Variants in DST observed in about 807,000 individuals in gnomAD.
The protein encoded by DST is bullous pemphigoid antigen.
DST carries 253 observed loss-of-function variants against 875.2 expected under a neutral mutation model. The observed-to-expected ratio is 0.29, with a 90% CI of 0.26 to 0.32. The LOEUF (loss-of-function observed/expected upper bound fraction) is 0.32. Among genes scored for constraint, DST ranks in the 10% least tolerant of loss-of-function variants. DST has a pLI of 1.00. For missense variants in DST, 8,287 were observed against 9,111.6 expected (o/e 0.91, Z 3.68); for synonymous variants, 3,124 against 3,197.1 (o/e 0.98, Z 0.77).
intron 3 of DST, among the ~76,000 whole-genome samples, chr6:56,880,029 T>C (rs555420910): frequency 6.6e-6 from 1 of 152,222 alleles, no homozygotes; most frequent in Non-Finnish European, 1.5e-5. Context: ...CCACAATGAA[T>C]AGGTACCTTT....
At chr6:56,630,504 A>G in intron 30 of DST, 121 bp from the exon 31 acceptor site, 2 of 889,208 alleles carry the variant, frequency 2.2e-6, no homozygotes, top group South Asian at 1.5e-5. Context: ...ACACTGATAC[A>G]TTTACTATGA....
intron 60 of DST, 83 bp from the exon 61 acceptor site, chr6:56,553,738 A>G: frequency 7.7e-7 from 1 of 1,293,146 alleles, no homozygotes. Flanking sequence ...AAATCTCTGA[A>G]TGAATATATA....
intron 4 of DST, among the ~76,000 whole-genome samples, chr6:56,825,184 G>C (rs1389624271): frequency 3.3e-5 from 5 of 150,024 alleles, no homozygotes; most frequent in African/African-American, 1.2e-4. Flanking sequence ...GGATCCTGTT[G>C]ATCTGTGACC....
chr6:56,574,519 GCTT>G (rs1222045621), intron 50 of DST, among the ~76,000 whole-genome samples: 1 of 152,044 alleles, frequency 6.6e-6, no homozygotes, highest in Non-Finnish European at 1.5e-5. Flanking sequence ...TTAAGATTAT[GCTT>G]CTAAAATATA....
At chr6:56,476,786 C>G (rs902287294) in intron 91 of DST, among the ~76,000 whole-genome samples, 18 of 152,014 alleles carry the variant, frequency 1.2e-4, no homozygotes, top group African/African-American at 4.3e-4. Context: ...ACCATCTCTA[C>G]TAAAAATACA....
chr6:56,762,177 C>T (rs1036921233), intron 4 of DST, among the ~76,000 whole-genome samples: 2 of 152,224 alleles, frequency 1.3e-5, no homozygotes, highest in South Asian at 2.1e-4. Context: ...TGCGCCACCA[C>T]GCCCGGCTAA....
At chr6:56,796,938 G>A (rs910427174) in intron 4 of DST, among the ~76,000 whole-genome samples, 1 of 152,140 alleles carries the variant, frequency 6.6e-6, no homozygotes, top group Non-Finnish European at 1.5e-5. Context: ...TTAGAATACA[G>A]AAGTACAGGC....
intron 102 of DST, chr6:56,460,690 T>C (rs1245563120): frequency 6.5e-6 from 1 of 152,838 alleles, no homozygotes; most frequent in African/African-American, 2.4e-5. Flanking sequence ...GCTGCCTCCA[T>C]TGCTTTTATG....
At chr6:56,642,254 CAA>C (rs1217134303) in intron 16 of DST, 153 bp from the exon 17 acceptor site, 2 of 877,300 alleles carry the variant, frequency 2.3e-6, no homozygotes, top group Admixed American at 4.0e-5. Flanking sequence ...TCTTGTCTCT[CAA>C]GAGAGCAAAC....
intron 55 of DST, among the ~76,000 whole-genome samples, chr6:56,567,064 G>T (rs1294756934): frequency 6.6e-6 from 1 of 152,068 alleles, no homozygotes; most frequent in African/African-American, 2.4e-5. Context: ...CCTAACTGTG[G>T]GAACCAAACA....
At chr6:56,851,710 C>T (rs1242339507) in intron 3 of DST, 106 bp from the exon 4 acceptor site, 3 of 1,552,600 alleles carry the variant, frequency 1.9e-6, no homozygotes, top group African/African-American at 1.4e-5. Context: ...TGCCCCCAAA[C>T]TGGGTCTGGC....
chr6:56,837,022 T>C (rs1477516012), intron 4 of DST, among the ~76,000 whole-genome samples: 1 of 152,048 alleles, frequency 6.6e-6, no homozygotes, highest in African/African-American at 2.4e-5. Flanking sequence ...GGAAAATAGA[T>C]CCACTGCTCT....
At chr6:56,629,096 C>T (rs2098756979) in intron 32 of DST, among the ~76,000 whole-genome samples, 154 bp downstream of exon 32, 2 of 152,030 alleles carry the variant, frequency 1.3e-5, no homozygotes, top group African/African-American at 4.8e-5. Context: ...TACTAAAGTC[C>T]TCCAAGTAAG....
chr6:56,813,132 G>A (rs1333420712), intron 4 of DST, among the ~76,000 whole-genome samples: 2 of 149,510 alleles, frequency 1.3e-5, no homozygotes, highest in Non-Finnish European at 3.0e-5. Context: ...ACTATCTCAA[G>A]AACAAAAAAC....
chr6:56,840,627 G>A (rs968993485), intron 4 of DST, among the ~76,000 whole-genome samples: 3 of 152,088 alleles, frequency 2.0e-5, no homozygotes, highest in African/African-American at 4.8e-5. Context: ...TTTTTGCTCA[G>A]AAGTAATGGA....
At chr6:56,941,990 G>A (rs748195742) in intron 2 of DST, among the ~76,000 whole-genome samples, 1 of 152,158 alleles carries the variant, frequency 6.6e-6, no homozygotes, top group Non-Finnish European at 1.5e-5. Context: ...CATACCTTTT[G>A]AGGTTAGGTT....
intron 4 of DST, among the ~76,000 whole-genome samples, chr6:56,817,723 C>A (rs2099768257): frequency 6.6e-6 from 1 of 152,024 alleles, no homozygotes; most frequent in Admixed American, 6.6e-5. Flanking sequence ...TATGATAAAC[C>A]AATACAGGAA....
At chr6:56,739,994 T>C (rs552155068) in intron 4 of DST, among the ~76,000 whole-genome samples, 1 of 152,302 alleles carries the variant, frequency 6.6e-6, no homozygotes, top group East Asian at 1.9e-4. Flanking sequence ...CCTGAGTAGC[T>C]GGGATCACAG....
At chr6:56,837,179 C>G (rs1388468114) in intron 4 of DST, among the ~76,000 whole-genome samples, 1 of 152,048 alleles carries the variant, frequency 6.6e-6, no homozygotes. Flanking sequence ...AGCTTTCGTT[C>G]CATTTAACTA....
Sources: allele counts gnomAD v4.1 joint callset (sites outside exome capture counted in the v4.1 genomes callset), GRCh38; gene constraint gnomAD v4.1.1; transcripts MANE v1.5; gene names NCBI Gene and HGNC (gene_info 2026-07-23, HGNC 2026-07-21).